Variants in EPS8 observed in about 807,000 individuals in gnomAD.
EPS8 encodes the protein EGFR pathway substrate 8, signaling adaptor.
EPS8 carries 42 observed loss-of-function variants against 103.8 expected under a neutral mutation model. That is an observed-to-expected ratio of 0.40 (90% CI 0.32 to 0.52). EPS8 has a LOEUF of 0.52. EPS8 is among the 20% of genes least tolerant of loss of function. The pLI, the probability that EPS8 is intolerant of heterozygous loss-of-function variation, is 0.40. For synonymous variants in EPS8, 344 were observed against 344.6 expected, an observed-to-expected ratio of 1.00 and a Z score of 0.02; for missense variants, 969 against 1,005.1, an observed-to-expected ratio of 0.96 and a Z score of 0.49.
rs143637321 is a variant in EPS8 at position 15,721,552 on chromosome 12, C to T, written c.-21-38580G>A. On this transcript the variant is annotated intron_variant, in intron 1 of 20. Coordinates refer to ENST00000281172, the MANE Select transcript of EPS8 (RefSeq NM_004447.6). The surrounding 1 kb of genome is among the most constrained non-coding windows in gnomAD (Gnocchi z 4.4). Reference sequence around the variant, plus strand: ...TTCATCTCCAAACCCCCAGGCAGCTCTCCAGTTAGAAGGCACACTGCTCTA... The same window carrying T: ...TTCATCTCCAAACCCCCAGGCAGCTTTCCAGTTAGAAGGCACACTGCTCTA... 8.2e-4 allele frequency among the ~76,000 whole-genome samples: 125 copies of T among 152,314 alleles called. No homozygotes were observed. Among genetic ancestry groups the T allele is most frequent in the Non-Finnish European group, 1.5e-3 (103 of 68,034 alleles).
intron 9 of EPS8, 61 bp downstream of exon 9, chr12:15,661,965 G>A: frequency 8.3e-7 from 1 of 1,201,730 alleles, no homozygotes; most frequent in South Asian, 1.3e-5. Context: ...ATTTTCTTAT[G>A]AAGTTTTCTT....
chr12:15,675,547 T>G (rs1945888223), intron 3 of EPS8, among the ~76,000 whole-genome samples: 1 of 152,204 alleles, frequency 6.6e-6, no homozygotes, highest in East Asian at 1.9e-4. Context: ...TGCAGTCAGC[T>G]GAGACTGTGC....
chr12:15,739,914 GT>G (rs1327392522), intron 1 of EPS8, among the ~76,000 whole-genome samples: 1 of 152,098 alleles, frequency 6.6e-6, no homozygotes, highest in Non-Finnish European at 1.5e-5. Context: ...ACTTTAGATA[GT>G]TTTTAATGAG....
chr12:15,657,680 G>T (rs1487353572), intron 12 of EPS8, among the ~76,000 whole-genome samples: 3 of 152,114 alleles, frequency 2.0e-5, no homozygotes, highest in Non-Finnish European at 2.9e-5. Context: ...AAGAACATGG[G>T]TCTCTGAATG....
chr12:15,667,973 C>T (rs1945745453), intron 6 of EPS8, among the ~76,000 whole-genome samples: 1 of 152,064 alleles, frequency 6.6e-6, no homozygotes, highest in Non-Finnish European at 1.5e-5. Context: ...ACTTTTAGCT[C>T]CCGGGGGGGG....
chr12:15,683,882 A>G (rs1045334859), intron 1 of EPS8: 3 of 152,052 alleles, frequency 2.0e-5, no homozygotes, highest in Non-Finnish European at 4.4e-5. Flanking sequence ...CTTTTCAAAT[A>G]TATTATATTA....
intron 1 of EPS8, among the ~76,000 whole-genome samples, chr12:15,774,413 T>C (rs1038358698): frequency 2.0e-5 from 3 of 147,672 alleles, no homozygotes; most frequent in Non-Finnish European, 4.5e-5. Flanking sequence ...TAGACAGAAC[T>C]TGGAAAATTA....
rs562275020 is a variant in EPS8, at chr12:15,774,646, T to C, written c.-22+14515A>G. 1.4e-4 allele frequency among the ~76,000 whole-genome samples: 20 copies of C among 147,350 alleles called. No individual in the cohort carries two copies. In the South Asian group the frequency reaches 4.0e-3, roughly 29 times the overall value. The stretch of plus-strand genomic sequence containing the variant: ...ATAAATATAAATATACATACATACA[T>C]ATAAAATATATATACACACATATAT... On this transcript the variant is annotated intron_variant, in intron 1 of 20. Transcript: ENST00000281172.
intron 1 of EPS8, among the ~76,000 whole-genome samples, chr12:15,705,841 G>A (rs181732767): frequency 2.0e-5 from 3 of 151,976 alleles, no homozygotes; most frequent in Non-Finnish European, 2.9e-5. Context: ...TACCCTTTTC[G>A]TAAGGAAAAA....
At chr12:15,722,547 A>AT in intron 1 of EPS8, among the ~76,000 whole-genome samples, 1 of 152,302 alleles carries the variant, frequency 6.6e-6, no homozygotes, top group African/African-American at 2.4e-5. Flanking sequence ...ATACACTGTC[A>AT]AAATTTCCCT....
At chr12:15,768,550 C>A (rs1947121724) in intron 1 of EPS8, among the ~76,000 whole-genome samples, 1 of 150,146 alleles carries the variant, frequency 6.7e-6, no homozygotes. Flanking sequence ...ATAAGAACAT[C>A]ACTTGAGGAG....
intron 1 of EPS8, among the ~76,000 whole-genome samples, chr12:15,692,913 CT>C (rs1946194294): frequency 6.6e-6 from 1 of 152,116 alleles, no homozygotes; most frequent in East Asian, 1.9e-4. Flanking sequence ...TCTGATCTTT[CT>C]GAGAATATCC....
At chr12:15,691,239 C>T (rs1272632462) in intron 1 of EPS8, among the ~76,000 whole-genome samples, 1 of 149,888 alleles carries the variant, frequency 6.7e-6, no homozygotes, top group Non-Finnish European at 1.5e-5. Context: ...AATGACTAGA[C>T]CAAAAAAGGC....
At chr12:15,648,789 T>G (rs2135780668) in intron 14 of EPS8, among the ~76,000 whole-genome samples, 1 of 152,266 alleles carries the variant, frequency 6.6e-6, no homozygotes, top group South Asian at 2.1e-4. Context: ...AATGACTAAC[T>G]GTGATGACTA....
At chr12:15,683,044 T>C (rs1946036956) in intron 1 of EPS8, 72 bp from the exon 2 acceptor site, 3 of 736,266 alleles carry the variant, frequency 4.1e-6, no homozygotes, top group Admixed American at 6.0e-5. Context: ...AAGTTATTCA[T>C]TCAACAAATA....
At chr12:15,703,041 C>T (rs143989337) in intron 1 of EPS8, among the ~76,000 whole-genome samples, 126 of 152,170 alleles carry the variant, frequency 8.3e-4, no homozygotes, top group African/African-American at 2.9e-3. Context: ...CCCAGCTACT[C>T]GGGAGGCTGA....
At chr12:15,628,168 A>G (rs1201307857) in intron 18 of EPS8, among the ~76,000 whole-genome samples, 2 of 152,186 alleles carry the variant, frequency 1.3e-5, no homozygotes, top group Non-Finnish European at 2.9e-5. Context: ...TTAAGTATAC[A>G]TTATGTGCAT....
intron 1 of EPS8, among the ~76,000 whole-genome samples, chr12:15,744,416 T>C (rs1340827404): frequency 6.6e-6 from 1 of 152,188 alleles, no homozygotes. Flanking sequence ...TATACAAGGA[T>C]GAACTATAGT....
intron 16 of EPS8, 107 bp from the exon 17 acceptor site, chr12:15,640,953 C>T (rs1181056790): frequency 1.1e-6 from 1 of 888,830 alleles, no homozygotes; most frequent in African/African-American, 1.7e-5. Flanking sequence ...TGATAATTAA[C>T]TCAGCATCAA....
Sources: gnomAD v4.1 joint callset for allele counts (sites outside exome capture counted in the v4.1 genomes callset) on GRCh38, gnomAD v4.1.1 for gene constraint, Gnocchi (gnomAD v3.1) non-coding constraint, MANE v1.5 for transcripts, NCBI Gene and HGNC (gene_info 2026-07-23, HGNC 2026-07-21) for gene names.